Variants in PLCB4 observed in about 807,000 individuals in gnomAD.
PLCB4 encodes the protein phospholipase C beta 4, also known as 1-phosphatidylinositol 4,5-bisphosphate phosphodiesterase beta-4.
PLCB4 carries 77 observed loss-of-function variants against 178.8 expected under a neutral mutation model. That is an observed-to-expected ratio of 0.43 (90% CI 0.36 to 0.52). The LOEUF is 0.52. PLCB4 is among the 20% of genes least tolerant of loss of function. The pLI is 0.00. For synonymous variants in PLCB4, 496 were observed against 490.8 expected, an observed-to-expected ratio of 1.01 and a Z score of -0.14; for missense variants, 1,024 against 1,453.4, an observed-to-expected ratio of 0.70 and a Z score of 4.80.
At chr20:9,103,490 G>C (rs1299852724) in intron 2 of PLCB4, among the ~76,000 whole-genome samples, 2 of 152,088 alleles carry the variant, frequency 1.3e-5, no homozygotes, top group Non-Finnish European at 2.9e-5. Flanking sequence ...AAAGATACGT[G>C]AATTCCCTTA....
intron 3 of PLCB4, among the ~76,000 whole-genome samples, chr20:9,301,988 T>C (rs1362902523): frequency 6.6e-6 from 1 of 152,182 alleles, no homozygotes; most frequent in Non-Finnish European, 1.5e-5. Flanking sequence ...GTAAAGTCTC[T>C]TCCACTTCCC....
intron 2 of PLCB4, among the ~76,000 whole-genome samples, chr20:9,125,338 C>G (rs2092083792): frequency 6.6e-6 from 1 of 152,016 alleles, no homozygotes; most frequent in African/African-American, 2.4e-5. Flanking sequence ...ATATTATACT[C>G]TCTGATTTTA....
At chr20:9,105,383 A>G (rs1207665259) in intron 2 of PLCB4, among the ~76,000 whole-genome samples, 1 of 152,120 alleles carries the variant, frequency 6.6e-6, no homozygotes, top group African/African-American at 2.4e-5. Flanking sequence ...GGAAAGCCAG[A>G]TTCAGTGTAG....
rs146819918 is a variant in PLCB4, at chr20:9,266,617, C to T, written c.-15-41183C>T. ...ATGGAAAAAAATTGCTTAATACTGT[C>T]GCTTTCTTTTTCCTTTTCTTCCTCT... is the stretch of plus-strand genomic sequence containing the variant. On this transcript the variant is annotated intron_variant, in intron 3 of 39. Transcript: ENST00000378473. Among the ~76,000 whole-genome samples the T allele has an allele frequency of 5.3e-3, 812 of 152,268 alleles. 5 individuals are homozygous for T. Among genetic ancestry groups the T allele is most frequent in the Non-Finnish European group, 7.9e-3 (536 of 68,006 alleles).
chr20:9,473,719 A>G (rs2044346248), intron 38 of PLCB4, among the ~76,000 whole-genome samples: 1 of 152,206 alleles, frequency 6.6e-6, no homozygotes, highest in South Asian at 2.1e-4. Flanking sequence ...GGCAAGGGAT[A>G]TGATGTTTAA....
At chr20:9,213,128 CTTTTTTTTTTTTTTTTT>C (rs56785951) in intron 2 of PLCB4, among the ~76,000 whole-genome samples, 3 of 35,728 alleles carry the variant, frequency 8.4e-5, no homozygotes. Context: ...CGTTAGCATA[CTTTTTTTTTTTTTTTTT>C]TTTTTTTTTT....
At chr20:9,141,880 G>A (rs1295106518) in intron 2 of PLCB4, among the ~76,000 whole-genome samples, 1 of 152,024 alleles carries the variant, frequency 6.6e-6, no homozygotes, top group Non-Finnish European at 1.5e-5. Flanking sequence ...GAGGGAGAGG[G>A]CATTCTAGGC....
At chr20:9,408,319 T>C (rs866860211) in intron 22 of PLCB4, among the ~76,000 whole-genome samples, 1 of 152,192 alleles carries the variant, frequency 6.6e-6, no homozygotes, top group African/African-American at 2.4e-5. Flanking sequence ...TGTTCCCAAG[T>C]GCATTCACAA....
chr20:9,326,151 G>A (rs968787267), intron 4 of PLCB4, among the ~76,000 whole-genome samples: 6 of 152,156 alleles, frequency 3.9e-5, no homozygotes, highest in African/African-American at 1.2e-4. Context: ...TTTTGGTGGG[G>A]TAGAGCACAA....
chr20:9,416,818 A>T (rs899228581), intron 25 of PLCB4, among the ~76,000 whole-genome samples: 2 of 152,248 alleles, frequency 1.3e-5, no homozygotes, highest in Admixed American at 1.3e-4. Context: ...TTGATAAAAA[A>T]TCAGTGTTGT....
At chr20:9,161,002 A>G (rs2092879489) in intron 2 of PLCB4, among the ~76,000 whole-genome samples, 1 of 152,326 alleles carries the variant, frequency 6.6e-6, no homozygotes, top group East Asian at 1.9e-4. Context: ...GATTCAAACA[A>G]TGAAATCTCA....
chr20:9,135,319 G>A (rs1001883512), intron 2 of PLCB4, among the ~76,000 whole-genome samples: 6 of 152,130 alleles, frequency 3.9e-5, no homozygotes, highest in African/African-American at 1.4e-4. Flanking sequence ...AAAGAAACCA[G>A]AACAATTTGT....
chr20:9,342,034 A>G (rs566515729), intron 7 of PLCB4, among the ~76,000 whole-genome samples: 2 of 152,270 alleles, frequency 1.3e-5, no homozygotes, highest in East Asian at 1.9e-4. Context: ...GTTGATTGAC[A>G]CTGGAGAAAA....
At chr20:9,250,347 T>C (rs1358349487) in intron 3 of PLCB4, among the ~76,000 whole-genome samples, 1 of 152,232 alleles carries the variant, frequency 6.6e-6, no homozygotes, top group African/African-American at 2.4e-5. Context: ...CTGTGAGCTT[T>C]ACAGCATTAA....
intron 4 of PLCB4, among the ~76,000 whole-genome samples, chr20:9,315,604 GA>G (rs2094889881): frequency 6.6e-6 from 1 of 152,090 alleles, no homozygotes; most frequent in Admixed American, 6.5e-5. Flanking sequence ...CCCTATTCAG[GA>G]GGTGGCATTT....
chr20:9,411,874 A>G (rs1191006112), intron 25 of PLCB4, among the ~76,000 whole-genome samples: 1 of 152,146 alleles, frequency 6.6e-6, no homozygotes, highest in African/African-American at 2.4e-5. Context: ...TAATGATGCT[A>G]TTAGGAATTT....
chr20:9,155,206 A>AT (rs2092767642), intron 2 of PLCB4, among the ~76,000 whole-genome samples: 1 of 143,878 alleles, frequency 7.0e-6, no homozygotes, highest in African/African-American at 2.5e-5. Context: ...GTGGTTTTTG[A>AT]TTTTCCACTC....
intron 1 of PLCB4, among the ~76,000 whole-genome samples, chr20:9,090,241 G>GTGTGTGTGTGTGTGTGTGTC (rs1415985556): frequency 6.6e-6 from 1 of 151,768 alleles, no homozygotes; most frequent in Non-Finnish European, 1.5e-5. Context: ...GTGTGTGTGT[G>GTGTGTGTGTGTGTGTGTGTC]TGTGTGTCTG....
intron 14 of PLCB4, 73 bp downstream of exon 14, chr20:9,384,484 A>G: frequency 9.4e-7 from 1 of 1,063,758 alleles, no homozygotes; most frequent in Non-Finnish European, 1.5e-6. Context: ...TCTCTGAAAA[A>G]CAGGAAATAG....
Sources: gnomAD v4.1 joint callset for allele counts (sites outside exome capture counted in the v4.1 genomes callset) on GRCh38, gnomAD v4.1.1 for gene constraint, MANE v1.5 for transcripts, NCBI Gene and HGNC (gene_info 2026-07-23, HGNC 2026-07-21) for gene names.